STK32A: variants seen among roughly 807,000 people sequenced by gnomAD.
STK32A encodes the protein serine/threonine-protein kinase 32A.
A neutral mutation model predicts 53.2 loss-of-function variants in STK32A; 41 were observed. That is an observed-to-expected ratio of 0.77 (90% CI 0.60 to 1.00). The LOEUF is 1.00. Among genes scored for constraint, STK32A ranks in the 50% least tolerant of loss-of-function variants. The probability of loss-of-function intolerance (pLI) is 0.00; values close to 1 mark genes in which losing one functional copy is unlikely to be tolerated. For missense variants in STK32A, 458 were observed against 485.8 expected, an observed-to-expected ratio of 0.94 and a Z score of 0.54; for synonymous variants, 166 against 162.8, an observed-to-expected ratio of 1.02 and a Z score of -0.15.
intron 6 of STK32A, among the ~76,000 whole-genome samples, chr5:147,350,069 CCA>C (rs1755886575): frequency 6.6e-6 from 1 of 151,430 alleles, no homozygotes; most frequent in Non-Finnish European, 1.5e-5. Flanking sequence ...CGAGAGCACA[CCA>C]TAACACTCCA....
At chr5:147,340,908 A>G (rs1194956590) in intron 5 of STK32A, among the ~76,000 whole-genome samples, 1 of 152,228 alleles carries the variant, frequency 6.6e-6, no homozygotes, top group Admixed American at 6.5e-5. Flanking sequence ...ATAAATGAAT[A>G]CAAGATTTAA....
chr5:147,309,211 G>C (rs1221797866), intron 4 of STK32A, among the ~76,000 whole-genome samples: 1 of 152,106 alleles, frequency 6.6e-6, no homozygotes, highest in Non-Finnish European at 1.5e-5. Flanking sequence ...TACTAGGAGA[G>C]AAAGCAGAGT....
At chr5:147,302,778 T>C (rs970173507) in intron 4 of STK32A, among the ~76,000 whole-genome samples, 1 of 152,190 alleles carries the variant, frequency 6.6e-6, no homozygotes, top group Non-Finnish European at 1.5e-5. Context: ...AGGGCTTAAC[T>C]TCCCCCTTGT....
At chr5:147,282,921 A>C (rs1036966912) in intron 4 of STK32A, among the ~76,000 whole-genome samples, 3 of 152,214 alleles carry the variant, frequency 2.0e-5, no homozygotes, top group Non-Finnish European at 4.4e-5. Flanking sequence ...CAATGGATTT[A>C]AACTATACCT....
intron 10 of STK32A, among the ~76,000 whole-genome samples, chr5:147,374,149 GTGGTGGTACT>G (rs1757127395): frequency 1.3e-5 from 2 of 152,074 alleles, no homozygotes; most frequent in African/African-American, 4.8e-5. Flanking sequence ...TTAGGCAGGC[GTGGTGGTACT>G]TGGGTGTAGT....
At chr5:147,342,740 G>A in intron 5 of STK32A, 1 of 444,062 alleles carries the variant, frequency 2.3e-6, no homozygotes, top group Non-Finnish European at 4.0e-6. Flanking sequence ...TAGAGTCTGA[G>A]TTTTTGAATG....
intron 7 of STK32A, among the ~76,000 whole-genome samples, chr5:147,358,565 C>T (rs1756360139): frequency 6.6e-6 from 1 of 152,120 alleles, no homozygotes; most frequent in Non-Finnish European, 1.5e-5. Context: ...AGGTAAATTA[C>T]AGTATATTCA....
chr5:147,398,004 G>A, the STK32A span, among the ~76,000 whole-genome samples: 12 of 152,122 alleles, frequency 7.9e-5, no homozygotes, highest in African/African-American at 1.9e-4. Context: ...AGAAGGCACC[G>A]GAGACAGATT....
chr5:147,383,809 C>A, intron 12 of STK32A, 81 bp from the exon 13 acceptor site: 1 of 1,235,600 alleles, frequency 8.1e-7, no homozygotes, highest in African/African-American at 1.6e-5. Context: ...AATTATTGGG[C>A]TTAATATTAT....
chr5:147,294,185 C>T (rs565066337), intron 4 of STK32A, among the ~76,000 whole-genome samples: 1 of 152,340 alleles, frequency 6.6e-6, no homozygotes, highest in South Asian at 2.1e-4. Flanking sequence ...TAATTTTAGC[C>T]AACTTGATCA....
intron 8 of STK32A, among the ~76,000 whole-genome samples, chr5:147,363,815 GT>G (rs1171233868): frequency 6.6e-6 from 1 of 152,102 alleles, no homozygotes; most frequent in African/African-American, 2.4e-5. Flanking sequence ...TCAATTTCTG[GT>G]TGCTTTTTGC....
downstream of STK32A, among the ~76,000 whole-genome samples, chr5:147,389,006 T>C (rs764165489): frequency 3.3e-5 from 5 of 152,164 alleles, no homozygotes; most frequent in Non-Finnish European, 7.4e-5. Context: ...TTATTAAACA[T>C]CAAAACTCGA....
At chr5:147,350,142 A>C (rs964043962) in intron 6 of STK32A, among the ~76,000 whole-genome samples, 2 of 150,164 alleles carry the variant, frequency 1.3e-5, no homozygotes, top group Non-Finnish European at 3.0e-5. Context: ...TTTAAAAAAA[A>C]CCTAAAGTTA....
chr5:147,378,433 GTGACAT>G (rs1260133457), intron 11 of STK32A, among the ~76,000 whole-genome samples: 4 of 152,134 alleles, frequency 2.6e-5, no homozygotes, highest in Admixed American at 1.3e-4. Context: ...CAAAAGGCTT[GTGACAT>G]TACTCATCCT....
intron 2 of STK32A, among the ~76,000 whole-genome samples, chr5:147,259,541 CT>C (rs58442395): frequency 0.13 from 19,256 of 147,678 alleles, 1,367 homozygotes; most frequent in African/African-American, 0.19. Flanking sequence ...TTTACCCTGG[CT>C]TTTTTTTTTT....
intron 2 of STK32A, among the ~76,000 whole-genome samples, chr5:147,275,089 G>A (rs1425785491): frequency 6.6e-6 from 1 of 152,182 alleles, no homozygotes; most frequent in East Asian, 1.9e-4. Flanking sequence ...TAAGAACATA[G>A]TGAGTACACT....
Position 147,384,402 on chromosome 5 carries a change from T to C in STK32A, c.*419T>C. The C allele has an allele frequency of 6.5e-7, 1 of 1,534,372 alleles. No individual in the cohort carries two copies. Among genetic ancestry groups the C allele is most frequent in the Non-Finnish European group, 8.7e-7 (1 of 1,146,120 alleles). On this transcript the variant is annotated 3_prime_UTR_variant, in exon 13 of 13. Transcript: ENST00000397936. ...ACAAATGGACAAATGGACACAGGAC[T>C]CAGTGAGACTTTTCAGACCTCGAAA...
intron 5 of STK32A, among the ~76,000 whole-genome samples, chr5:147,334,719 G>A (rs1212965278): frequency 1.3e-5 from 2 of 152,180 alleles, no homozygotes; most frequent in East Asian, 1.9e-4. Flanking sequence ...ATGGTTCAAT[G>A]ATAATTGAAA....
chr5:147,313,697 T>C (rs527329320), intron 4 of STK32A, among the ~76,000 whole-genome samples: 4 of 152,196 alleles, frequency 2.6e-5, no homozygotes, highest in Non-Finnish European at 5.9e-5. Flanking sequence ...GAAGCTACAA[T>C]AATCAAGATA....
Sources: gnomAD v4.1 joint callset for allele counts (sites outside exome capture counted in the v4.1 genomes callset) on GRCh38, gnomAD v4.1.1 for gene constraint, MANE v1.5 for transcripts, NCBI Gene and HGNC (gene_info 2026-07-23, HGNC 2026-07-21) for gene names.